Variants in ATP12A observed in about 807,000 individuals in gnomAD.
The protein encoded by ATP12A is potassium-transporting ATPase alpha chain 2.
In ATP12A, 81 loss-of-function variants were observed where a neutral mutation model predicts 111.2. The observed-to-expected ratio is 0.73, with a 90% CI of 0.61 to 0.88. The LOEUF (loss-of-function observed/expected upper bound fraction) is 0.88. Among genes scored for constraint, ATP12A ranks in the 40% least tolerant of loss-of-function variants. The probability of loss-of-function intolerance (pLI) is 0.00; values close to 1 mark genes in which losing one functional copy is unlikely to be tolerated. For synonymous variants in ATP12A, 498 were observed against 499.8 expected (o/e 1.00, Z 0.05); for missense variants, 1,196 against 1,313.1 (o/e 0.91, Z 1.38).
intron 20 of ATP12A, 65 bp downstream of exon 20, chr13:24,710,658 G>C: frequency 6.2e-7 from 1 of 1,610,472 alleles, no homozygotes; most frequent in Non-Finnish European, 8.5e-7. Context: ...ATGATGATTT[G>C]TTTTTCACAA....
At position 24,695,058 on chromosome 13, in the gene ATP12A, G is replaced by A. The variant is rs145717260; in HGVS notation, c.1512+480G>A. Among the ~76,000 whole-genome samples the A allele has an allele frequency of 3.4e-4, 52 of 152,304 alleles. 1 individual carries two copies. Among genetic ancestry groups the A allele is most frequent in the African/African-American group, 1.2e-3 (49 of 41,572 alleles). On this transcript the variant is annotated intron_variant, in intron 11 of 22. Coordinates refer to ENST00000381946, the MANE Select transcript of ATP12A (RefSeq NM_001676.7). ...ATGTTCGCATCCGGCCTGTGAGGTA[G>A]GACTGACGAATCCTGACTCAGAGGA...
chr13:24,709,781 G>C lies in ATP12A; in HGVS notation c.2716G>C (p.Glu906Gln). 2.5e-6 allele frequency: 4 copies of C among 1,614,258 alleles called. No homozygotes were observed. In the South Asian group the frequency reaches 3.3e-5, roughly 13 times the overall value. ...TCTCATTAACCTGCGGGTAGAATGG[G>C]AGAAGGACTACGTGAATGACTTGAA... ...RTLINLRVEW[E>Q]KDYVNDLKDS... Residue 906 changes from glutamate (E) to glutamine (Q), a missense_variant, in exon 19 of 23, where the codon GAG becomes CAG. This residue lies in a region of ATP12A where 1,126 missense variants were observed against 1,228.5 expected (regional missense o/e 0.92). Transcript: ENST00000381946.
chr13:24,698,859 G>C lies in ATP12A; in HGVS notation c.1705+9G>C. Reference sequence around the variant, plus strand: ...GGGCGAGCGTGTGCTGGGTGAGTGCGGCGGCAGGGCCCTGCCCATCACCTG... The same window carrying C: ...GGGCGAGCGTGTGCTGGGTGAGTGCCGCGGCAGGGCCCTGCCCATCACCTG... On this transcript the variant is annotated intron_variant, in intron 12 of 22. Transcript: ENST00000381946. 6.2e-7 allele frequency: 1 copy of C among 1,612,628 alleles called. No individual in the cohort carries two copies. The highest frequency in any genetic ancestry group is 8.5e-7 in the Non-Finnish European group (1 of 1,179,396).
In ATP12A at chr13:24,696,649, T is replaced by G. The variant is rs2137705581; in HGVS notation, c.1513-2009T>G. On this transcript the variant is annotated intron_variant, in intron 11 of 22. Transcript: ENST00000381946. ...ATGGCGTGAACCCGGGAAGCGGAGC[T>G]TGCAGTGAGCCGAGATTGCGCCACT... Among the ~76,000 whole-genome samples the G allele has an allele frequency of 1.6e-5, 2 of 121,216 alleles. 1 individual carries two copies. Among genetic ancestry groups the G allele is most frequent in the South Asian group, 6.6e-4 (2 of 3,026 alleles). 79.5% of individuals were successfully genotyped at this position (121,216 alleles called of 152,430 possible).
In ATP12A at chr13:24,685,438, G is replaced by A; in HGVS notation, c.228+65G>A. 1.9e-6 allele frequency: 3 copies of A among 1,543,564 alleles called. No homozygotes were observed. The highest frequency in any genetic ancestry group is 2.7e-6 in the Non-Finnish European group (3 of 1,116,212). On this transcript the variant is annotated intron_variant, in intron 3 of 22. Coordinates refer to ENST00000381946, the MANE Select transcript of ATP12A (RefSeq NM_001676.7). This position sits in a 1 kb window ranked among gnomAD's most constrained non-coding sequence, Gnocchi z 5.5. Reference sequence around the variant, plus strand: ...CAACTCTACAGAGGGAAGGCTGTGTGTGGCGGGGGGCTGTGTGGAAGAGTA... The same window carrying A: ...CAACTCTACAGAGGGAAGGCTGTGTATGGCGGGGGGCTGTGTGGAAGAGTA...
At chr13:24,710,649 T>A in intron 20 of ATP12A, 56 bp downstream of exon 20, 1 of 1,611,598 alleles carries the variant, frequency 6.2e-7, no homozygotes, top group Non-Finnish European at 8.5e-7. Flanking sequence ...GCAAGGATGA[T>A]GATGATTTGT....
At position 24,692,563 on chromosome 13, in the gene ATP12A, G is replaced by A. The variant is rs760695882; in HGVS notation, c.1203G>A (p.Met401Ile). The change falls in exon 9 of 23, where the codon ATG becomes ATA. Residue 401 changes from methionine (M) to isoleucine (I), a missense_variant. By Grantham distance (10) the Met-to-Ile change is conservative (BLOSUM62 1). Coordinates refer to ENST00000381946, the MANE Select transcript of ATP12A (RefSeq NM_001676.7). ...CTGGGACACTGACCCAGAACAGGAT[G>A]ACAGTGGCCCATCTGTGGTTCGACA... is the stretch of plus-strand genomic sequence containing the variant. ...DKTGTLTQNR[M>I]TVAHLWFDNQ... The A allele has an allele frequency of 2.5e-6, 4 of 1,614,076 alleles. No homozygotes were observed. The highest frequency in any genetic ancestry group is 2.2e-5 in the East Asian group (1 of 44,896).
intron 11 of ATP12A, among the ~76,000 whole-genome samples, chr13:24,696,682 G>GCAGT (rs1875170402): frequency 1.6e-5 from 1 of 62,792 alleles, no homozygotes; most frequent in Non-Finnish European, 3.1e-5. Flanking sequence ...ACTGCAGTCC[G>GCAGT]CAGTCCGGCC....
At chr13:24,703,177 T>C (rs1875467423) in intron 14 of ATP12A, among the ~76,000 whole-genome samples, 1 of 152,208 alleles carries the variant, frequency 6.6e-6, no homozygotes, top group South Asian at 2.1e-4. Context: ...TGTTTATTTG[T>C]TTGGTTTTGT....
At chr13:24,710,733 G>A in intron 20 of ATP12A, 59 bp from the exon 21 acceptor site, 1 of 1,601,012 alleles carries the variant, frequency 6.2e-7, no homozygotes, top group Non-Finnish European at 8.6e-7. Context: ...TGGTCTGCTG[G>A]GTGTATGATC....
At position 24,711,330 on chromosome 13, in the gene ATP12A, G is replaced by T; in HGVS notation, c.3012G>T (p.Trp1004Cys). 1 of 1,601,706 alleles carries T rather than the reference G, an allele frequency of 6.2e-7. No homozygotes were observed. Among genetic ancestry groups the T allele is most frequent in the Non-Finnish European group, 8.5e-7 (1 of 1,173,380 alleles). ...LSFTMLRAQY[W>C]FVAVPHAILI... ...CCTTTGCTTCCAGGGCTCAGTACTG[G>T]TTTGTGGCTGTGCCGCACGCCATCC... Residue 1004 changes from tryptophan to cysteine, a missense_variant, in exon 22 of 23, where the codon TGG (tryptophan) becomes TGT (cysteine). Trp to Cys is a radical substitution (Grantham distance 215). Coordinates refer to ENST00000381946, the MANE Select transcript of ATP12A (RefSeq NM_001676.7).
chr13:24,702,219 A>G, intron 14 of ATP12A, 148 bp downstream of exon 14: 1 of 1,026,972 alleles, frequency 9.7e-7, no homozygotes, highest in South Asian at 1.5e-5. Context: ...ATATCCATGT[A>G]TTCACTCTAA....
rs545576381 is a variant in ATP12A at position 24,710,376 on chromosome 13, A to T, written c.2764-84A>T. The stretch of plus-strand genomic sequence containing the variant: ...AGTCCGGGTGAGGTGTGGAAAGAAC[A>T]TGAAGCTTTAGAGAACTGCATTGGA... On this transcript the variant is annotated intron_variant, in intron 19 of 22. Transcript: ENST00000381946. 124 of 1,537,196 alleles carry T rather than the reference A, an allele frequency of 8.1e-5. 1 individual carries two copies. In the African/African-American group the frequency reaches 1.6e-3, roughly 20 times the overall value.
chr13:24,686,795 T>G (rs1442005619), intron 3 of ATP12A, among the ~76,000 whole-genome samples: 1 of 140,814 alleles, frequency 7.1e-6, no homozygotes, highest in Non-Finnish European at 1.5e-5. Flanking sequence ...AGAAAGAAAT[T>G]GCAGAGAGAC....
Position 24,710,808 on chromosome 13 carries a change from G to A in ATP12A, c.2914G>A (p.Val972Met). 1.9e-6 allele frequency: 3 copies of A among 1,614,176 alleles called. No individual in the cohort carries two copies. Among genetic ancestry groups the A allele is most frequent in the South Asian group, 2.2e-5 (2 of 91,072 alleles). The change falls in exon 21 of 23, where the codon GTG (valine) becomes ATG (methionine). Residue 972 changes from valine to methionine, a missense_variant. This residue lies in a region of ATP12A where 1,126 missense variants were observed against 1,228.5 expected (regional missense o/e 0.92). Coordinates refer to ENST00000381946, the MANE Select transcript of ATP12A (RefSeq NM_001676.7). ...GTCTTGCAGAAATAAAGTCATCTGG[G>A]TGGGGATCACCTCACAGATCATCAT... The part of the protein sequence containing the change: ...QGLFRNKVIW[V>M]GITSQIIIGL...
chr13:24,689,607 C>T (rs916159758), intron 5 of ATP12A, among the ~76,000 whole-genome samples: 1 of 152,214 alleles, frequency 6.6e-6, no homozygotes, highest in Admixed American at 6.5e-5. Flanking sequence ...TCTGTTCCTG[C>T]TCCTCAGTGT....
chr13:24,683,522 A>G (rs1874557126), intron 2 of ATP12A, among the ~76,000 whole-genome samples: 1 of 152,076 alleles, frequency 6.6e-6, no homozygotes, highest in Non-Finnish European at 1.5e-5. Flanking sequence ...AAATCAGCAA[A>G]CTCTACAAAT....
At chr13:24,696,693 T>C (rs1875171303) in intron 11 of ATP12A, among the ~76,000 whole-genome samples, 1 of 54,622 alleles carries the variant, frequency 1.8e-5, no homozygotes, top group Non-Finnish European at 3.3e-5. Flanking sequence ...CAGTCCGGCC[T>C]GGGCGACAGA....
rs763045603 is a variant in ATP12A, at chr13:24,709,748, C to T, written c.2683C>T (p.Pro895Ser). The T allele has an allele frequency of 7.4e-6, 12 of 1,614,106 alleles. No individual in the cohort carries two copies. The South Asian group carries it at 1.3e-4, about 18-fold the overall frequency. The change falls in exon 19 of 23, where the codon CCC becomes TCC. Residue 895 changes from proline (P) to serine (S), a missense_variant. By Grantham distance (74) the Pro-to-Ser change is moderately conservative. Transcript: ENST00000381946. ...FTVYAQEGFL[P>S]RTLINLRVEW... is the part of the protein sequence containing the mutation. ...CGTCTATGCACAAGAGGGCTTTCTG[C>T]CCCGCACTCTCATTAACCTGCGGGT...
Sources: allele counts gnomAD v4.1 joint callset (sites outside exome capture counted in the v4.1 genomes callset), GRCh38; gene constraint gnomAD v4.1.1; regional missense constraint gnomAD v4.1.1; non-coding constraint Gnocchi (gnomAD v3.1); transcripts MANE v1.5; gene names NCBI Gene and HGNC (gene_info 2026-07-23, HGNC 2026-07-21).